The following NMNAT2 variants were observed in gnomAD, a reference collection of about 807,000 sequenced individuals.
The protein encoded by NMNAT2 is nicotinamide/nicotinic acid mononucleotide adenylyltransferase 2.
A neutral mutation model predicts 41.6 loss-of-function variants in NMNAT2; 11 were observed. That is an observed-to-expected ratio of 0.26 (90% CI 0.17 to 0.44). The LOEUF (loss-of-function observed/expected upper bound fraction) is 0.44. NMNAT2 is among the 20% of genes least tolerant of loss of function. The probability of loss-of-function intolerance (pLI) is 1.00; values close to 1 mark genes in which losing one functional copy is unlikely to be tolerated. For missense variants in NMNAT2, 288 were observed against 407.7 expected, an observed-to-expected ratio of 0.71 and a Z score of 2.53; for synonymous variants, 148 against 151.2, an observed-to-expected ratio of 0.98 and a Z score of 0.16.
chr1:183,332,859 T>A (rs1409293748), intron 1 of NMNAT2, among the ~76,000 whole-genome samples: 1 of 152,240 alleles, frequency 6.6e-6, no homozygotes, highest in Non-Finnish European at 1.5e-5. Flanking sequence ...CACCCTCCCC[T>A]GCTGGTTTCT....
Position 183,337,221 on chromosome 1 carries a change from G to A in NMNAT2, c.86-43428C>T, listed in dbSNP as rs1019456210. 2.6e-5 allele frequency among the ~76,000 whole-genome samples: 4 copies of A among 151,738 alleles called. No homozygotes were observed. The East Asian group carries it at 5.8e-4, about 22-fold the overall frequency. On this transcript the variant is annotated intron_variant, in intron 1 of 10. Transcript: ENST00000287713. ...TAATTTTTAAAAATGAAAATAATGG[G>A]AAAAAAGATTTCTACAATAAGAGAG...
chr1:183,265,558 C>T (rs746866282), intron 8 of NMNAT2, among the ~76,000 whole-genome samples: 1 of 152,124 alleles, frequency 6.6e-6, no homozygotes, highest in African/African-American at 2.4e-5. Flanking sequence ...AGCCACCATG[C>T]CCGGCAGAAA....
chr1:183,399,476 A>C (rs922720819), intron 1 of NMNAT2, among the ~76,000 whole-genome samples: 6 of 152,208 alleles, frequency 3.9e-5, no homozygotes, highest in African/African-American at 1.4e-4. Flanking sequence ...GAATTCTACC[A>C]GAGATACAAA....
intron 1 of NMNAT2, among the ~76,000 whole-genome samples, chr1:183,324,212 G>A (rs1662412819): frequency 6.6e-6 from 1 of 152,170 alleles, no homozygotes; most frequent in African/African-American, 2.4e-5. Flanking sequence ...GCAATGCCAG[G>A]AAGACACACA....
chr1:183,268,766 G>T (rs536072338), intron 8 of NMNAT2, among the ~76,000 whole-genome samples: 1 of 152,222 alleles, frequency 6.6e-6, no homozygotes, highest in African/African-American at 2.4e-5. Flanking sequence ...TCATGGCAAG[G>T]TGTGATGTCT....
intron 1 of NMNAT2, among the ~76,000 whole-genome samples, chr1:183,405,078 G>A (rs1648917851): frequency 6.6e-6 from 1 of 152,104 alleles, no homozygotes; most frequent in Non-Finnish European, 1.5e-5. Context: ...AAATTAGCCA[G>A]GCGCGGTTGA....
chr1:183,405,026 G>C (rs1372312825), intron 1 of NMNAT2, among the ~76,000 whole-genome samples: 1 of 152,172 alleles, frequency 6.6e-6, no homozygotes, highest in African/African-American at 2.4e-5. Flanking sequence ...TTCGAGACCA[G>C]CCTGGGCAAC....
At chr1:183,259,727 G>A (rs1258681565) in intron 10 of NMNAT2, among the ~76,000 whole-genome samples, 1 of 152,090 alleles carries the variant, frequency 6.6e-6, no homozygotes, top group Non-Finnish European at 1.5e-5. Context: ...AGTCTCCCGA[G>A]TAGCTGGGAC....
intron 1 of NMNAT2, among the ~76,000 whole-genome samples, chr1:183,356,764 A>T (rs184069269): frequency 2.9e-4 from 44 of 152,372 alleles, no homozygotes; most frequent in Non-Finnish European, 4.7e-4. Context: ...TTAGGCTGCC[A>T]GGGCCATTTA....
intron 1 of NMNAT2, among the ~76,000 whole-genome samples, chr1:183,338,425 T>C (rs1208140022): frequency 6.6e-6 from 1 of 152,192 alleles, no homozygotes; most frequent in Non-Finnish European, 1.5e-5. Flanking sequence ...GGAGTTTCTA[T>C]TTAAAAACCT....
rs1442485701 is a variant in NMNAT2, at chr1:183,251,758, A to G, written c.*883T>C. On this transcript the variant is annotated 3_prime_UTR_variant, in exon 11 of 11. Transcript: ENST00000287713. ...AGCATCAGGGAAATGGTCATTTGAAACTAAGAAAACAGATTCAAATTATTC... is the reference window on the plus strand; with the variant it reads ...AGCATCAGGGAAATGGTCATTTGAAGCTAAGAAAACAGATTCAAATTATTC... The G allele has an allele frequency of 6.5e-6, 1 of 153,772 alleles. No homozygotes were observed. Among genetic ancestry groups the G allele is most frequent in the Non-Finnish European group, 1.5e-5 (1 of 68,676 alleles). The allele number at this position is 153,772 out of a possible 1,614,324, so 9.5% of individuals were successfully genotyped here.
chr1:183,284,702 T>C lies in NMNAT2; in HGVS notation c.529+8A>G. The stretch of plus-strand genomic sequence containing the variant: ...CAGGACTGGGAATCAAGTTCCTTGG[T>C]TCCTCACCTACAAAGGTGAAACGCT... On this transcript the variant is annotated splice_region_variant and intron_variant, in intron 6 of 10. Coordinates refer to ENST00000287713, the MANE Select transcript of NMNAT2 (RefSeq NM_015039.4). 6.2e-7 allele frequency: 1 copy of C among 1,611,790 alleles called. No homozygotes were observed. The highest frequency in any genetic ancestry group is 8.5e-7 in the Non-Finnish European group (1 of 1,177,834).
At chr1:183,417,169 C>T (rs1040259772) in intron 1 of NMNAT2, among the ~76,000 whole-genome samples, 1 of 152,178 alleles carries the variant, frequency 6.6e-6, no homozygotes, top group Non-Finnish European at 1.5e-5. Context: ...AGCTGCGAAG[C>T]CGCGTGGCTT....
chr1:183,365,378 A>G (rs1051147721), intron 1 of NMNAT2, among the ~76,000 whole-genome samples: 2 of 152,100 alleles, frequency 1.3e-5, no homozygotes, highest in African/African-American at 4.8e-5. Flanking sequence ...TCATTTTTCT[A>G]GATTAGGAAA....
At chr1:183,271,914 A>C (rs1422622215) in intron 8 of NMNAT2, among the ~76,000 whole-genome samples, 3 of 152,100 alleles carry the variant, frequency 2.0e-5, no homozygotes, top group African/African-American at 7.2e-5. Flanking sequence ...CACCACGCCT[A>C]GGTAATTTTT....
intron 2 of NMNAT2, among the ~76,000 whole-genome samples, chr1:183,293,300 G>A (rs1408088720): frequency 6.6e-6 from 1 of 152,218 alleles, no homozygotes; most frequent in Non-Finnish European, 1.5e-5. Flanking sequence ...GCAGGGATAT[G>A]AATTTTAAAT....
intron 1 of NMNAT2, among the ~76,000 whole-genome samples, chr1:183,323,222 G>A (rs981215890): frequency 3.9e-5 from 6 of 152,076 alleles, no homozygotes; most frequent in African/African-American, 9.7e-5. Flanking sequence ...GTGAGCCACC[G>A]CACCTGGCCA....
intron 7 of NMNAT2, among the ~76,000 whole-genome samples, chr1:183,279,305 T>A (rs1661202236): frequency 1.3e-5 from 2 of 152,208 alleles, no homozygotes; most frequent in African/African-American, 4.8e-5. Context: ...CCCATTGTTG[T>A]TTAAAACAGG....
intron 4 of NMNAT2, among the ~76,000 whole-genome samples, chr1:183,287,155 A>T (rs925079233): frequency 6.6e-6 from 1 of 152,106 alleles, no homozygotes; most frequent in Non-Finnish European, 1.5e-5. Context: ...CAAAGTGCCT[A>T]TGGGGTGCCT....
Sources: allele counts gnomAD v4.1 joint callset (sites outside exome capture counted in the v4.1 genomes callset), GRCh38; gene constraint gnomAD v4.1.1; transcripts MANE v1.5; gene names NCBI Gene and HGNC (gene_info 2026-07-23, HGNC 2026-07-21).